Variants in ST7 observed in about 807,000 individuals in gnomAD.
ST7 encodes suppression of tumorigenicity 7, also known as suppressor of tumorigenicity 7 protein.
A neutral mutation model predicts 78.7 loss-of-function variants in ST7; 28 were observed. The observed-to-expected ratio is 0.36, with a 90% CI of 0.26 to 0.49. ST7 has a LOEUF of 0.49. Among genes scored for constraint, ST7 ranks in the 20% least tolerant of loss-of-function variants. The probability of loss-of-function intolerance (pLI) is 0.99; values close to 1 mark genes in which losing one functional copy is unlikely to be tolerated. For missense variants in ST7, 418 were observed against 696.0 expected (o/e 0.60, Z 4.49); for synonymous variants, 247 against 249.6 (o/e 0.99, Z 0.10).
chr7:117,072,471 A>G (rs1394134442), intron 1 of ST7: 1 of 152,258 alleles, frequency 6.6e-6, no homozygotes, highest in Non-Finnish European at 1.5e-5. Flanking sequence ...CTAAGCAGTC[A>G]TGATCCACTT....
intron 1 of ST7, among the ~76,000 whole-genome samples, chr7:117,004,303 G>A (rs1200401587): frequency 6.6e-6 from 1 of 152,164 alleles, no homozygotes; most frequent in Non-Finnish European, 1.5e-5. Context: ...TTGCCTTCGT[G>A]TTATCCACTT....
intron 1 of ST7, among the ~76,000 whole-genome samples, chr7:117,013,285 A>G (rs1296207553): frequency 1.3e-5 from 2 of 152,236 alleles, no homozygotes; most frequent in African/African-American, 4.8e-5. Flanking sequence ...CATCTTAATT[A>G]TCAGGAAGAA....
chr7:117,001,099 A>G (rs1794913497), intron 1 of ST7, among the ~76,000 whole-genome samples: 1 of 152,218 alleles, frequency 6.6e-6, no homozygotes, highest in Non-Finnish European at 1.5e-5. Flanking sequence ...GAGCAGCAGC[A>G]GTGAAACCGG....
intron 12 of ST7, among the ~76,000 whole-genome samples, 188 bp from the exon 13 acceptor site, chr7:117,209,598 TA>T (rs1231320776): frequency 6.6e-6 from 1 of 152,252 alleles, no homozygotes; most frequent in Non-Finnish European, 1.5e-5. Flanking sequence ...AGTACAAGGC[TA>T]ATCATCTGTC....
chr7:117,198,599 G>C (rs1478239826), intron 12 of ST7: 5 of 251,854 alleles, frequency 2.0e-5, no homozygotes, highest in African/African-American at 1.1e-4. Flanking sequence ...TTATATTCTT[G>C]TTCTGAGCCT....
intron 12 of ST7, among the ~76,000 whole-genome samples, chr7:117,208,155 T>C (rs1388694300): frequency 1.3e-5 from 2 of 152,192 alleles, no homozygotes; most frequent in Non-Finnish European, 2.9e-5. Flanking sequence ...TTCTCTATTC[T>C]TATTTTTCCG....
At chr7:117,195,147 T>C (rs1014126429) in intron 12 of ST7, among the ~76,000 whole-genome samples, 2 of 143,962 alleles carry the variant, frequency 1.4e-5, no homozygotes, top group Admixed American at 6.6e-5. Flanking sequence ...TAAATACTTT[T>C]ACTATTTAAA....
At chr7:116,959,533 A>T (rs1792712296) in intron 1 of ST7, 1 of 280,808 alleles carries the variant, frequency 3.6e-6, no homozygotes, top group Admixed American at 5.1e-5. Context: ...GTATTTAGTG[A>T]GCTGGGATTG....
At chr7:117,166,708 T>A (rs998864666) in intron 9 of ST7, among the ~76,000 whole-genome samples, 22 of 151,888 alleles carry the variant, frequency 1.4e-4, no homozygotes, top group African/African-American at 5.1e-4. Context: ...GCTAACATGG[T>A]GAAACCCCAT....
At chr7:116,958,529 CT>C (rs1792647401) in intron 1 of ST7, 1 of 447,978 alleles carries the variant, frequency 2.2e-6, no homozygotes, top group African/African-American at 2.0e-5. Flanking sequence ...TCTTTTGCCC[CT>C]GTTGTGCCTG....
chr7:117,207,149 ATT>A lies in ST7; in HGVS notation c.1255-2625_1255-2624del, dbSNP rs34923443. Reference sequence around the variant, plus strand: ...CCCTGCCTCCTGCTAGTTTCTTTTCATTTTTTTTTTTTTTAGGCGGAGTCTTG... The same window carrying A: ...CCCTGCCTCCTGCTAGTTTCTTTTCATTTTTTTTTTTTAGGCGGAGTCTTG... On this transcript the variant is annotated intron_variant, in intron 12 of 15. Coordinates refer to ENST00000323984, the MANE Select transcript of ST7 (RefSeq NM_001369598.1). 2.3e-3 allele frequency among the ~76,000 whole-genome samples: 331 copies of A among 144,530 alleles called. 1 individual carries two copies. The highest frequency in any genetic ancestry group is 1.8e-3 in the Non-Finnish European group (119 of 66,086). 94.8% of individuals were successfully genotyped at this position (144,530 alleles called of 152,430 possible).
At chr7:117,090,302 C>T (rs1186092301) in intron 1 of ST7, among the ~76,000 whole-genome samples, 2 of 151,976 alleles carry the variant, frequency 1.3e-5, no homozygotes, top group African/African-American at 4.8e-5. Context: ...CCATCAAAGA[C>T]TTGTAGTTTT....
At chr7:117,079,015 G>A (rs568097838) in intron 1 of ST7, among the ~76,000 whole-genome samples, 8 of 152,118 alleles carry the variant, frequency 5.3e-5, no homozygotes, top group East Asian at 1.9e-4. Flanking sequence ...AACAAATGCC[G>A]TCTGCCCCAA....
At chr7:117,018,050 T>G (rs562313121) in intron 1 of ST7, among the ~76,000 whole-genome samples, 1 of 152,240 alleles carries the variant, frequency 6.6e-6, no homozygotes, top group Non-Finnish European at 1.5e-5. Context: ...AAATGCATTT[T>G]CATACACATA....
chr7:117,217,664 G>A (rs1171150006), intron 13 of ST7, among the ~76,000 whole-genome samples: 1 of 152,202 alleles, frequency 6.6e-6, no homozygotes, highest in Admixed American at 6.5e-5. Flanking sequence ...ACTAGGGTGA[G>A]CCTTTCATTT....
Position 117,138,704 on chromosome 7 carries a change from A to G in ST7, c.963+172A>G, listed in dbSNP as rs78416524. ...CTAGATGAATGATGTATGTTGGGCA[A>G]GTTACTCAGCTTCTCTTTGCCCTAG... On this transcript the variant is annotated intron_variant, in intron 9 of 15. Coordinates refer to ENST00000323984, the MANE Select transcript of ST7 (RefSeq NM_001369598.1). 3.5e-3 allele frequency among the ~76,000 whole-genome samples: 532 copies of G among 152,276 alleles called. 8 individuals are homozygous for G. Among genetic ancestry groups the G allele is most frequent in the East Asian group, 0.015 (79 of 5,174 alleles).
At chr7:117,185,123 G>A (rs1161699239) in intron 10 of ST7, among the ~76,000 whole-genome samples, 3 of 152,078 alleles carry the variant, frequency 2.0e-5, no homozygotes, top group African/African-American at 7.2e-5. Flanking sequence ...TCCTGCCTGT[G>A]GTTTAGATGT....
At chr7:117,014,053 C>T (rs542031805) in intron 1 of ST7, among the ~76,000 whole-genome samples, 1 of 152,254 alleles carries the variant, frequency 6.6e-6, no homozygotes, top group East Asian at 1.9e-4. Context: ...CACCCCACTA[C>T]TCCAGCAAAA....
At chr7:117,161,692 T>C (rs1293308953) in intron 9 of ST7, among the ~76,000 whole-genome samples, 1 of 148,888 alleles carries the variant, frequency 6.7e-6, no homozygotes, top group Admixed American at 6.8e-5. Flanking sequence ...CTCTGTCTCC[T>C]GGGTTTAAGC....
Sources: gnomAD v4.1 joint callset for allele counts (sites outside exome capture counted in the v4.1 genomes callset) on GRCh38, gnomAD v4.1.1 for gene constraint, MANE v1.5 for transcripts, NCBI Gene and HGNC (gene_info 2026-07-23, HGNC 2026-07-21) for gene names.